The following TSHR variants were observed in gnomAD, a reference collection of about 807,000 sequenced individuals.
TSHR encodes the protein thyroid stimulating hormone receptor, also known as thyrotropin receptor.
TSHR carries 51 observed loss-of-function variants against 64.1 expected under a neutral mutation model. The ratio of observed to expected loss-of-function variants is 0.80; its 90% CI spans 0.64 to 1.01. TSHR has a LOEUF of 1.01. Ranked by LOEUF, TSHR falls within the 50% of genes least tolerant of loss-of-function variation. The probability of loss-of-function intolerance (pLI) is 0.00; values close to 1 mark genes in which losing one functional copy is unlikely to be tolerated. For synonymous variants in TSHR, 361 were observed against 361.9 expected (o/e 1.00, Z 0.03); for missense variants, 877 against 942.8 (o/e 0.93, Z 0.91).
chr14:81,091,036 A>ATTTTTT, intron 4 of TSHR, 33 bp from the exon 5 acceptor site: 1 of 1,570,326 alleles, frequency 6.4e-7, no homozygotes, highest in East Asian at 2.2e-5. Flanking sequence ...CCTAAATTCT[A>ATTTTTT]TGCTTTTTTT....
At chr14:80,995,084 C>G (rs754163903) in intron 1 of TSHR, 4 of 151,818 alleles carry the variant, frequency 2.6e-5, no homozygotes, top group Admixed American at 6.6e-5. Context: ...GCAAAGGACA[C>G]GAAGACATAC....
intron 1 of TSHR, among the ~76,000 whole-genome samples, chr14:81,060,506 T>C (rs1257446617): frequency 6.6e-6 from 1 of 152,148 alleles, no homozygotes; most frequent in East Asian, 1.9e-4. Flanking sequence ...GAGTTGCAGA[T>C]TTACTCTTTT....
At position 80,991,153 on chromosome 14, in the gene TSHR, C is replaced by A. The variant is rs926848784; in HGVS notation, c.170+35303C>A. Reference sequence around the variant, plus strand: ...TTCTACATTAAAAGAACTATAAACTCTTCTAATTAAATTACTCAAGATAGT... The same window carrying A: ...TTCTACATTAAAAGAACTATAAACTATTCTAATTAAATTACTCAAGATAGT... On this transcript the variant is annotated intron_variant, in intron 1 of 9. Coordinates refer to ENST00000298171, the MANE Select transcript of TSHR (RefSeq NM_000369.5). Among the ~76,000 whole-genome samples the A allele has an allele frequency of 2.0e-5, 3 of 152,274 alleles. No homozygotes were observed. The South Asian group carries it at 6.2e-4, about 32-fold the overall frequency.
chr14:80,972,294 G>T (rs1259318716), intron 1 of TSHR, among the ~76,000 whole-genome samples: 2 of 151,672 alleles, frequency 1.3e-5, no homozygotes, highest in Non-Finnish European at 2.9e-5. Context: ...GTTCTGTGGG[G>T]TTTTTTTTGC....
At chr14:81,021,355 A>G (rs1404411088) in intron 1 of TSHR, among the ~76,000 whole-genome samples, 1 of 152,148 alleles carries the variant, frequency 6.6e-6, no homozygotes, top group African/African-American at 2.4e-5. Context: ...TGAAAAGCTC[A>G]TCCCACCATC....
At chr14:81,095,818 G>A (rs183167015) in intron 6 of TSHR, among the ~76,000 whole-genome samples, 1 of 152,186 alleles carries the variant, frequency 6.6e-6, no homozygotes, top group Admixed American at 6.5e-5. Context: ...GGAGGCTGAG[G>A]CAGGCGGATC....
In TSHR at chr14:81,006,519, A is replaced by AT. The variant is rs553610152; in HGVS notation, c.170+50682dup. Among the ~76,000 whole-genome samples, 1,101 of 146,370 alleles carry AT rather than the reference A, an allele frequency of 7.5e-3. 5 individuals carry two copies. The highest frequency in any genetic ancestry group is 0.011 in the Non-Finnish European group (748 of 65,862). On this transcript the variant is annotated intron_variant, in intron 1 of 9. Coordinates refer to ENST00000298171, the MANE Select transcript of TSHR (RefSeq NM_000369.5). The stretch of plus-strand genomic sequence containing the variant: ...AGGGCCCTATTTCCAAATATAGTCA[A>AT]TTTTTTTTTTTTTAATCTGAGTCTT...
chr14:81,101,035 C>T (rs1229278160), intron 7 of TSHR, among the ~76,000 whole-genome samples: 1 of 152,180 alleles, frequency 6.6e-6, no homozygotes, highest in Non-Finnish European at 1.5e-5. Flanking sequence ...GTGACCAGCC[C>T]TCATCCTGAA....
At chr14:81,029,725 C>T (rs1884253796) in intron 1 of TSHR, among the ~76,000 whole-genome samples, 1 of 152,090 alleles carries the variant, frequency 6.6e-6, no homozygotes, top group Non-Finnish European at 1.5e-5. Context: ...AAGCATTTGA[C>T]ATTTTTTCTA....
chr14:81,008,711 C>T (rs1291347172), intron 1 of TSHR, among the ~76,000 whole-genome samples: 1 of 152,132 alleles, frequency 6.6e-6, no homozygotes, highest in Admixed American at 6.5e-5. Flanking sequence ...TTTTATCCAA[C>T]TTCTTATTTC....
In TSHR at chr14:81,143,251, G is replaced by A. The variant is rs2140110194; in HGVS notation, c.1193G>A (p.Cys398Tyr). 1 of 1,614,152 alleles carries A rather than the reference G, an allele frequency of 6.2e-7. No homozygotes were observed. The highest frequency in any genetic ancestry group is 1.3e-5 in the African/African-American group (1 of 75,028). Residue 398 changes from cysteine to tyrosine, a missense_variant, in exon 10 of 10, where the codon TGT becomes TAT. Coordinates refer to ENST00000298171, the MANE Select transcript of TSHR (RefSeq NM_000369.5). ...TICGDSEDMV[C>Y]TPKSDEFNPC... ...TGTGGGGACAGTGAAGACATGGTGT[G>A]TACCCCCAAGTCCGATGAGTTCAAC...
chr14:81,049,575 G>T (rs1885330783), intron 1 of TSHR: 2 of 150,414 alleles, frequency 1.3e-5, no homozygotes, highest in Admixed American at 1.3e-4. Flanking sequence ...GAAGAGCAAA[G>T]AGATACATTT....
chr14:81,096,831 A>AGGTTCTACCAGAGCATCTTCC, intron 7 of TSHR, 124 bp downstream of exon 7: 1 of 1,103,042 alleles, frequency 9.1e-7, no homozygotes, highest in African/African-American at 1.6e-5. Flanking sequence ...TAGTGTGACC[A>AGGTTCTACCAGAGCATCTTCC]ACATGGAAAT....
chr14:81,091,158 A>C lies in TSHR; in HGVS notation c.467+15A>C, dbSNP rs2139980404. 6.2e-7 allele frequency: 1 copy of C among 1,604,176 alleles called. No homozygotes were observed. The highest frequency in any genetic ancestry group is 8.5e-7 in the Non-Finnish European group (1 of 1,173,616). On this transcript the variant is annotated intron_variant, in intron 5 of 9. Transcript: ENST00000298171. Reference sequence around the variant, plus strand: ...TTCTTTATACTGTAAGTATGCACACATGCCATGTTTGACAATATTTTGTTT... The same window carrying C: ...TTCTTTATACTGTAAGTATGCACACCTGCCATGTTTGACAATATTTTGTTT...
intron 1 of TSHR, among the ~76,000 whole-genome samples, chr14:81,043,845 C>G (rs940463288): frequency 1.3e-5 from 2 of 152,146 alleles, no homozygotes; most frequent in Non-Finnish European, 2.9e-5. Context: ...AAATGATTCC[C>G]TATTTAATAA....
At chr14:81,137,911 A>G (rs779066634) in intron 8 of TSHR, among the ~76,000 whole-genome samples, 1 of 152,206 alleles carries the variant, frequency 6.6e-6, no homozygotes, top group Non-Finnish European at 1.5e-5. Context: ...TGAAAGCATC[A>G]CTGGGAAAGG....
At chr14:81,000,387 C>T (rs1001656935) in intron 1 of TSHR, among the ~76,000 whole-genome samples, 3 of 151,944 alleles carry the variant, frequency 2.0e-5, no homozygotes, top group African/African-American at 7.3e-5. Context: ...AGGATCACTG[C>T]TGGGAACACC....
At chr14:80,981,563 T>C (rs1888171312) in intron 1 of TSHR, among the ~76,000 whole-genome samples, 2 of 152,168 alleles carry the variant, frequency 1.3e-5, no homozygotes, top group Non-Finnish European at 2.9e-5. Flanking sequence ...GGACCCTTGC[T>C]ATGTGAGCAG....
At chr14:80,980,850 A>G (rs1888129008) in intron 1 of TSHR, among the ~76,000 whole-genome samples, 1 of 152,094 alleles carries the variant, frequency 6.6e-6, no homozygotes, top group Non-Finnish European at 1.5e-5. Flanking sequence ...AGCTTTACAT[A>G]TATTTCCAGG....
Sources: allele counts gnomAD v4.1 joint callset (sites outside exome capture counted in the v4.1 genomes callset), GRCh38; gene constraint gnomAD v4.1.1; transcripts MANE v1.5; gene names NCBI Gene and HGNC (gene_info 2026-07-23, HGNC 2026-07-21).